Variants in ZNF536 observed in about 807,000 individuals in gnomAD.
The protein encoded by ZNF536 is zinc finger protein 536.
A neutral mutation model predicts 84.5 loss-of-function variants in ZNF536; 13 were observed. The observed-to-expected ratio is 0.15, with a 90% CI of 0.10 to 0.24. The LOEUF is 0.24. ZNF536 is among the 10% of genes least tolerant of loss of function. The pLI, the probability that ZNF536 is intolerant of heterozygous loss-of-function variation, is 1.00. For synonymous variants in ZNF536, 811 were observed against 742.5 expected (o/e 1.09, Z -1.50); for missense variants, 1,536 against 1,747.5 (o/e 0.88, Z 2.16).
intron 2 of ZNF536, among the ~76,000 whole-genome samples, chr19:30,473,276 G>A (rs1013581452): frequency 1.3e-5 from 2 of 151,880 alleles, no homozygotes; most frequent in Admixed American, 6.6e-5. Flanking sequence ...TGAGATTAGG[G>A]GGAGCTGGCC....
chr19:30,394,988 G>T (rs759293049), intron 1 of ZNF536, among the ~76,000 whole-genome samples: 1 of 152,102 alleles, frequency 6.6e-6, no homozygotes, highest in South Asian at 2.1e-4. Flanking sequence ...TTGTGAGCTC[G>T]GTTACTCCTG....
At chr19:30,567,646 C>T (rs1418795531) in intron 1 of ZNF536, among the ~76,000 whole-genome samples, 1 of 152,156 alleles carries the variant, frequency 6.6e-6, no homozygotes, top group Non-Finnish European at 1.5e-5. Context: ...GTGGGTGGCC[C>T]AGGGCTCCAG....
At chr19:30,580,091 C>T (rs1377029893) in intron 1 of ZNF536, among the ~76,000 whole-genome samples, 1 of 152,196 alleles carries the variant, frequency 6.6e-6, no homozygotes, top group Non-Finnish European at 1.5e-5. Context: ...CTCCCTCCCT[C>T]ATCTTCAAGG....
In ZNF536 at chr19:30,549,077, C is replaced by G; in HGVS notation, c.3458C>G (p.Thr1153Arg). Residue 1153 changes from threonine (T) to arginine (R), a missense_variant, in exon 4 of 5, where the codon ACG becomes AGG. This residue lies in a region of ZNF536 where 624 missense variants were observed against 603.1 expected (regional missense o/e 1.03). Coordinates refer to ENST00000355537, the MANE Select transcript of ZNF536 (RefSeq NM_014717.3). The part of the protein sequence containing the change: ...EDVPILIPET[T>R]SKNTTDDLSD... ...GTCCCCATCCTGATCCCCGAAACCA[C>G]GAGTAAGAACACTACTGATGACCTC... The G allele has an allele frequency of 6.2e-7, 1 of 1,614,170 alleles. No individual in the cohort carries two copies. The highest frequency in any genetic ancestry group is 8.5e-7 in the Non-Finnish European group (1 of 1,180,038).
Position 30,299,018 on chromosome 19 carries a change from G to A in ZNF536, c.-120+14877G>A, listed in dbSNP as rs559654741. Reference sequence around the variant, plus strand: ...ACATTCCCTGCCAAAGGGGGGGCCTGGGAAAGAAAAAGACTCTACAATGTG... The same window carrying A: ...ACATTCCCTGCCAAAGGGGGGGCCTAGGAAAGAAAAAGACTCTACAATGTG... On this transcript the variant is annotated intron_variant, in intron 2 of 5. Coordinates refer to the ZNF536 transcript ENST00000585628. 5.3e-5 allele frequency among the ~76,000 whole-genome samples: 8 copies of A among 152,294 alleles called. No individual in the cohort carries two copies. The South Asian group carries it at 1.7e-3, about 32-fold the overall frequency.
rs372382113 is a variant in ZNF536, at chr19:30,576,484, G to C, written c.169+26970G>C. ...GGTTGAACTTCAATCTTTTCCCTCT[G>C]TCTTCTTTATTGACTTCTTTCTGAC... On this transcript the variant is annotated intron_variant, in intron 1 of 1. Transcript: ENST00000592773. Among the ~76,000 whole-genome samples, 11 of 152,258 alleles carry C rather than the reference G, an allele frequency of 7.2e-5. No individual in the cohort carries two copies. In the East Asian group the frequency reaches 1.9e-3, roughly 27 times the overall value.
At chr19:30,372,298 C>A (rs1160564622), upstream of ZNF536, 1 of 152,228 alleles carries the variant, frequency 6.6e-6, no homozygotes, top group Non-Finnish European at 1.5e-5. Context: ...AGAGGCAGGA[C>A]TCAGAAAGGC....
In ZNF536 at chr19:30,327,641, C is replaced by T. The variant is rs116720531; in HGVS notation, c.-119-24727C>T. 7.5e-3 allele frequency among the ~76,000 whole-genome samples: 1,140 copies of T among 152,320 alleles called. 11 individuals are homozygous for T. Among genetic ancestry groups the T allele is most frequent in the African/African-American group, 0.027 (1,108 of 41,564 alleles). The stretch of plus-strand genomic sequence containing the variant: ...GAAACCTGCATGAAGCAGCCATGCA[C>T]CCTTCATTTGGGAGGTGTCTTTCAT... On this transcript the variant is annotated intron_variant, in intron 2 of 5. Coordinates refer to the ZNF536 transcript ENST00000585628.
At chr19:30,380,452 C>T (rs532636109) in intron 1 of ZNF536, among the ~76,000 whole-genome samples, 8 of 152,232 alleles carry the variant, frequency 5.3e-5, no homozygotes, top group African/African-American at 1.9e-4. Context: ...ACCCACGGCT[C>T]GGCCCTGAGA....
chr19:30,681,440 G>A (rs569540973), intron 1 of ZNF536, among the ~76,000 whole-genome samples: 28 of 152,276 alleles, frequency 1.8e-4, no homozygotes, highest in Non-Finnish European at 3.4e-4. Flanking sequence ...GTGAGCTGGC[G>A]GGGAGTGGGG....
At chr19:30,344,422 A>G (rs2047673399) in intron 2 of ZNF536, among the ~76,000 whole-genome samples, 1 of 135,466 alleles carries the variant, frequency 7.4e-6, no homozygotes, top group Non-Finnish European at 1.5e-5. Flanking sequence ...CCTGGGCAAC[A>G]AGAGTGAAAC....
chr19:30,290,804 G>A (rs913058639), intron 2 of ZNF536, among the ~76,000 whole-genome samples: 4 of 152,172 alleles, frequency 2.6e-5, no homozygotes, highest in Admixed American at 6.5e-5. Context: ...AGCCCTGCAT[G>A]TATTAGGTAT....
At chr19:30,353,203 C>T (rs2047987390) in intron 3 of ZNF536, among the ~76,000 whole-genome samples, 2 of 152,090 alleles carry the variant, frequency 1.3e-5, no homozygotes, top group Non-Finnish European at 2.9e-5. Context: ...GTGCCGGGTT[C>T]CGGTATTAAG....
intron 1 of ZNF536, among the ~76,000 whole-genome samples, chr19:30,375,023 G>A (rs1260300995): frequency 2.0e-5 from 3 of 151,884 alleles, no homozygotes; most frequent in African/African-American, 7.2e-5. Context: ...GGGAGCGGGG[G>A]AAGGTGAGGG....
chr19:30,462,167 T>C (rs1387040175), intron 2 of ZNF536, among the ~76,000 whole-genome samples: 1 of 152,138 alleles, frequency 6.6e-6, no homozygotes, highest in East Asian at 1.9e-4. Flanking sequence ...AGCAGGAAGC[T>C]TGGGGCTGGC....
intron 2 of ZNF536, among the ~76,000 whole-genome samples, chr19:30,533,383 G>A (rs891063648): frequency 6.6e-6 from 1 of 152,146 alleles, no homozygotes; most frequent in Non-Finnish European, 1.5e-5. Context: ...AGCAAGGCAT[G>A]GTGGCCTGCA....
chr19:30,683,277 C>G (rs1212122549), intron 1 of ZNF536, among the ~76,000 whole-genome samples: 1 of 152,168 alleles, frequency 6.6e-6, no homozygotes, highest in Non-Finnish European at 1.5e-5. Flanking sequence ...TGCCTAATAT[C>G]AAATGATGTG....
At position 30,589,176 on chromosome 19, in the gene ZNF536, A is replaced by G. The variant is rs189595672; in HGVS notation, c.169+39662A>G. 2.6e-5 allele frequency among the ~76,000 whole-genome samples: 4 copies of G among 152,310 alleles called. No homozygotes were observed. In the East Asian group the frequency reaches 7.7e-4, roughly 29 times the overall value. The stretch of plus-strand genomic sequence containing the variant: ...GGCCATGCTTGGGAGGGCTCTTTGC[A>G]TCGGTTACCACCATCTGTATTTGCA... On this transcript the variant is annotated intron_variant, in intron 1 of 1. Transcript: ENST00000592773.
intron 1 of ZNF536, among the ~76,000 whole-genome samples, chr19:30,632,316 A>C (rs1186275704): frequency 6.6e-6 from 1 of 152,186 alleles, no homozygotes; most frequent in Non-Finnish European, 1.5e-5. Context: ...TGTAAAAACC[A>C]GAAGTCCAGC....
Sources: allele counts gnomAD v4.1 joint callset (sites outside exome capture counted in the v4.1 genomes callset), GRCh38; gene constraint gnomAD v4.1.1; regional missense constraint gnomAD v4.1.1; transcripts MANE v1.5; gene names NCBI Gene and HGNC (gene_info 2026-07-23, HGNC 2026-07-21).